The following TTC7B variants were observed in gnomAD, a reference collection of about 807,000 sequenced individuals.
TTC7B encodes tetratricopeptide repeat protein 7B.
In TTC7B, 28 loss-of-function variants were observed where a neutral mutation model predicts 106.8. That is an observed-to-expected ratio of 0.26 (90% CI 0.19 to 0.36). The LOEUF (loss-of-function observed/expected upper bound fraction) is 0.36, where lower values mean the gene tolerates loss of function less well. TTC7B is among the 10% of genes least tolerant of loss of function. TTC7B has a pLI of 1.00. For missense variants in TTC7B, 862 were observed against 1,076.4 expected (o/e 0.80, Z 2.79); for synonymous variants, 405 against 430.6 (o/e 0.94, Z 0.74).
intron 19 of TTC7B, among the ~76,000 whole-genome samples, chr14:90,568,514 C>T (rs1890889365): frequency 1.3e-5 from 2 of 152,112 alleles, no homozygotes; most frequent in Admixed American, 1.3e-4. Flanking sequence ...TCATTTTTTC[C>T]TTAAGCTGAA....
rs1385487384 is a variant in TTC7B, at chr14:90,689,099, CCTT to C, written c.950+438_950+440del. Among the ~76,000 whole-genome samples the C allele has an allele frequency of 2.0e-5, 3 of 152,184 alleles. No individual in the cohort carries two copies. In the East Asian group the frequency reaches 5.8e-4, roughly 29 times the overall value. ...CAATCACTTGCAAATATTAGATTCT[CCTT>C]CTTATATCTAGTTCCATTTAGAACA... On this transcript the variant is annotated intron_variant, in intron 7 of 19. Coordinates refer to ENST00000328459, the MANE Select transcript of TTC7B (RefSeq NM_001010854.2).
intron 17 of TTC7B, among the ~76,000 whole-genome samples, chr14:90,609,619 C>T (rs1037491292): frequency 6.6e-6 from 1 of 152,208 alleles, no homozygotes; most frequent in East Asian, 1.9e-4. Context: ...AAAATAACCT[C>T]GTGGTCCCTG....
chr14:90,678,920 C>T (rs1305956902), intron 8 of TTC7B, among the ~76,000 whole-genome samples: 2 of 152,168 alleles, frequency 1.3e-5, no homozygotes, highest in African/African-American at 2.4e-5. Flanking sequence ...AGAACTTTTA[C>T]ACCATAACCA....
At chr14:90,741,393 G>A (rs747963580) in intron 4 of TTC7B, among the ~76,000 whole-genome samples, 2 of 152,186 alleles carry the variant, frequency 1.3e-5, no homozygotes, top group Non-Finnish European at 2.9e-5. Flanking sequence ...TTAAACGCCA[G>A]GACTAATAAA....
chr14:90,694,541 G>A (rs1305165858), intron 6 of TTC7B, among the ~76,000 whole-genome samples: 1 of 139,374 alleles, frequency 7.2e-6, no homozygotes, highest in African/African-American at 2.7e-5. Flanking sequence ...AAGTGAAAGG[G>A]CTTGCGCAAG....
chr14:90,708,145 CAAAAA>C (rs56260414), intron 5 of TTC7B, among the ~76,000 whole-genome samples: 3 of 61,316 alleles, frequency 4.9e-5, no homozygotes, highest in South Asian at 6.7e-4. Flanking sequence ...GACTCCATCT[CAAAAA>C]AAAAAAAAAA....
At chr14:90,743,873 G>A (rs1889859278) in intron 4 of TTC7B, among the ~76,000 whole-genome samples, 1 of 152,190 alleles carries the variant, frequency 6.6e-6, no homozygotes, top group Non-Finnish European at 1.5e-5. Context: ...CCACCTCCCT[G>A]GCCCCATCCA....
At chr14:90,784,069 G>T (rs988272544) in intron 2 of TTC7B, among the ~76,000 whole-genome samples, 6 of 151,902 alleles carry the variant, frequency 3.9e-5, no homozygotes, top group African/African-American at 1.2e-4. Context: ...GGTAGACGGG[G>T]GAAAGAAACA....
At chr14:90,734,469 C>T (rs769907363) in intron 4 of TTC7B, among the ~76,000 whole-genome samples, 2 of 151,664 alleles carry the variant, frequency 1.3e-5, no homozygotes, top group Non-Finnish European at 2.9e-5. Context: ...AATCATTCCA[C>T]CTCATAGATC....
At chr14:90,646,492 T>C (rs1885460188) in intron 14 of TTC7B, among the ~76,000 whole-genome samples, 1 of 152,238 alleles carries the variant, frequency 6.6e-6, no homozygotes, top group Admixed American at 6.5e-5. Flanking sequence ...GTAAAGGACC[T>C]GGTTCTTTTG....
chr14:90,806,296 C>T (rs1377704447), intron 1 of TTC7B, among the ~76,000 whole-genome samples: 1 of 152,218 alleles, frequency 6.6e-6, no homozygotes, highest in African/African-American at 2.4e-5. Flanking sequence ...GTCTGGCAGC[C>T]GTGGGCTGAA....
chr14:90,536,241 C>A lies in TTC7B; in HGVS notation c.*5127G>T, dbSNP rs1889417078. ...TTGCAGCTGCTCCTGCGCCTTCTTT[C>A]CTGATCTCTTCATTTCCCAGCCTGT... On this transcript the variant is annotated 3_prime_UTR_variant, in exon 20 of 20. Coordinates refer to ENST00000328459, the MANE Select transcript of TTC7B (RefSeq NM_001010854.2). 6.4e-6 allele frequency: 1 copy of A among 155,224 alleles called. No individual in the cohort carries two copies. Among genetic ancestry groups the A allele is most frequent in the South Asian group, 2.0e-4 (1 of 4,916 alleles). The allele number at this position is 155,224 out of a possible 1,614,324, so 9.6% of individuals were successfully genotyped here.
chr14:90,668,122 A>G (rs1237811070), intron 9 of TTC7B, among the ~76,000 whole-genome samples: 2 of 150,756 alleles, frequency 1.3e-5, no homozygotes, highest in African/African-American at 2.4e-5. Context: ...ACCAACCAAA[A>G]AAAAAAAAAA....
rs890131028 is a variant in TTC7B at position 90,695,759 on chromosome 14, C to T, written c.699-181G>A. 9.9e-5 allele frequency among the ~76,000 whole-genome samples: 15 copies of T among 152,094 alleles called. 1 individual carries two copies. In the East Asian group the frequency reaches 2.1e-3, roughly 21 times the overall value. On this transcript the variant is annotated intron_variant, in intron 5 of 19. Coordinates refer to ENST00000328459, the MANE Select transcript of TTC7B (RefSeq NM_001010854.2). ...GAAACATTTGACCTAAGATTGATGG[C>T]CTTTTGTGTTTTCTAACCCCTAGCA...
intron 2 of TTC7B, among the ~76,000 whole-genome samples, chr14:90,782,486 C>A (rs1008444096): frequency 1.3e-5 from 2 of 152,100 alleles, no homozygotes; most frequent in African/African-American, 4.8e-5. Context: ...GTAATCCCAG[C>A]TACTCAGGAG....
At chr14:90,656,375 C>T (rs1353874804) in intron 11 of TTC7B, among the ~76,000 whole-genome samples, 3 of 152,172 alleles carry the variant, frequency 2.0e-5, no homozygotes, top group Non-Finnish European at 4.4e-5. Flanking sequence ...ATCTATACCA[C>T]CATCTCGGCA....
At chr14:90,660,412 A>AGAAAAG (rs1465593575) in intron 9 of TTC7B, among the ~76,000 whole-genome samples, 2 of 134,596 alleles carry the variant, frequency 1.5e-5, no homozygotes, top group Non-Finnish European at 3.3e-5. Context: ...AAAAAAAAAA[A>AGAAAAG]AAAAAAAAAG....
chr14:90,702,045 C>T (rs777948221), intron 5 of TTC7B, among the ~76,000 whole-genome samples: 1 of 152,060 alleles, frequency 6.6e-6, no homozygotes, highest in African/African-American at 2.4e-5. Context: ...GTCCTTCACC[C>T]GGGAATCCAT....
At chr14:90,634,416 C>T (rs899219101) in intron 15 of TTC7B, among the ~76,000 whole-genome samples, 7 of 151,348 alleles carry the variant, frequency 4.6e-5, no homozygotes, top group South Asian at 2.1e-4. Context: ...ACACTTGAGA[C>T]AGAAGGCAGA....
Sources: gnomAD v4.1 joint callset for allele counts (sites outside exome capture counted in the v4.1 genomes callset) on GRCh38, gnomAD v4.1.1 for gene constraint, MANE v1.5 for transcripts, NCBI Gene and HGNC (gene_info 2026-07-23, HGNC 2026-07-21) for gene names.